MED22: variants seen among roughly 807,000 people sequenced by gnomAD.
MED22 encodes the protein mediator complex subunit 22.
Under a neutral mutation model 22.7 loss-of-function variants are expected in MED22, and 22 were observed. The observed-to-expected ratio is 0.97, with a 90% CI of 0.69 to 1.38. MED22 has a LOEUF of 1.38. MED22 is among the 40% of genes most tolerant of loss of function. The pLI is 0.00. For synonymous variants in MED22, 134 were observed against 119.4 expected, an observed-to-expected ratio of 1.12 and a Z score of -0.80; for missense variants, 247 against 263.0, an observed-to-expected ratio of 0.94 and a Z score of 0.42.
rs1245607961 is a variant in MED22 at position 133,340,777 on chromosome 9, T to C, written c.*728A>G. The C allele has an allele frequency of 6.6e-6, 1 of 152,250 alleles. No homozygotes were observed. Among genetic ancestry groups the C allele is most frequent in the African/African-American group, 2.4e-5 (1 of 41,432 alleles). 9.4% of individuals were successfully genotyped at this position (152,250 alleles called of 1,614,324 possible). A position where few individuals can be genotyped will look rare whatever the true frequency, so the allele number is the denominator to read the frequency against. ...CACTGAATACTGGGGACCTACCAGG[T>C]GCCAATGAGGAGAGAGTGACCTTGG... is the stretch of plus-strand genomic sequence containing the variant. On this transcript the variant is annotated 3_prime_UTR_variant, in exon 5 of 5. Transcript: ENST00000343730.
At position 133,339,550 on chromosome 9, in the gene MED22, A is replaced by C; in HGVS notation, c.*1955T>G. 1.9e-6 allele frequency: 1 copy of C among 514,090 alleles called. No individual in the cohort carries two copies. Among genetic ancestry groups the C allele is most frequent in the Non-Finnish European group, 3.5e-6 (1 of 285,350 alleles). 31.8% of individuals were successfully genotyped at this position (514,090 alleles called of 1,614,324 possible). A position where few individuals can be genotyped will look rare whatever the true frequency, so the allele number is the denominator to read the frequency against. Reference sequence around the variant, plus strand: ...AACTATTTGGGGAACAACTGAAGAAATCTGAATACAGCTAGATACCAGAGG... The same window carrying C: ...AACTATTTGGGGAACAACTGAAGAACTCTGAATACAGCTAGATACCAGAGG... On this transcript the variant is annotated 3_prime_UTR_variant, in exon 5 of 5. Transcript: ENST00000343730.
At chr9:133,345,062 C>CG (rs1196225227) in intron 3 of MED22, 110 bp downstream of exon 3, 1 of 1,047,608 alleles carries the variant, frequency 9.5e-7, no homozygotes, top group Middle Eastern at 2.9e-4. Context: ...TGCTCCTTCT[C>CG]GGGGGAAGAA....
rs2129950739 is a variant in MED22, at chr9:133,341,742, G to C, written c.414-48C>G. 3.8e-6 allele frequency: 6 copies of C among 1,584,026 alleles called. No individual in the cohort carries two copies. The Admixed American group carries it at 1.1e-4, about 30-fold the overall frequency. ...AGGGAGAGACAGGAGCAGGCAGAGA[G>C]GAAAGCCAGGGGAGGGGAGAGCAAG... On this transcript the variant is annotated intron_variant, in intron 4 of 4. Transcript: ENST00000343730.
At position 133,343,884 on chromosome 9, in the gene MED22, C is replaced by A. The variant is rs2129958422; in HGVS notation, c.413+241G>T. The stretch of plus-strand genomic sequence containing the variant: ...CCTTCTCCAGACTCGGCCTATCCGA[C>A]TGGCGTGAGTCCTGTGGTTTTCATC... On this transcript the variant is annotated intron_variant, in intron 4 of 4. Transcript: ENST00000343730. 2.1e-5 allele frequency: 30 copies of A among 1,419,920 alleles called. No individual in the cohort carries two copies. In the Admixed American group the frequency reaches 2.9e-4, roughly 14 times the overall value. 88.0% of individuals were successfully genotyped at this position (1,419,920 alleles called of 1,614,324 possible).
At chr9:133,346,399 T>C in intron 2 of MED22, 141 bp downstream of exon 2, 1 of 1,034,274 alleles carries the variant, frequency 9.7e-7, no homozygotes, top group Non-Finnish European at 1.4e-6. Flanking sequence ...TTATTTGGTT[T>C]GCTTATCTAC....
At chr9:133,342,335 C>A in intron 4 of MED22, 1 of 986,114 alleles carries the variant, frequency 1.0e-6, no homozygotes, top group South Asian at 4.7e-5. Flanking sequence ...ACAATCCACG[C>A]TCGCCTCTTT....
At chr9:133,342,142 C>A in intron 4 of MED22, 1 of 1,005,758 alleles carries the variant, frequency 9.9e-7, no homozygotes, top group Non-Finnish European at 1.2e-6. Flanking sequence ...CTGGGTCTGT[C>A]CCTGCCTGAG....
At chr9:133,341,810 C>T in intron 4 of MED22, 116 bp from the exon 5 acceptor site, 3 of 1,462,704 alleles carry the variant, frequency 2.1e-6, no homozygotes, top group East Asian at 5.7e-5. Flanking sequence ...CCCAGACCTG[C>T]CTTTCCCTTT....
At chr9:133,342,792 T>G in intron 4 of MED22, 1 of 985,648 alleles carries the variant, frequency 1.0e-6, no homozygotes, top group Non-Finnish European at 1.2e-6. Flanking sequence ...GGGGAGGGCA[T>G]GGGAAGCCTG....
At chr9:133,342,016 G>A in intron 4 of MED22, 1 of 1,139,178 alleles carries the variant, frequency 8.8e-7, no homozygotes, top group Non-Finnish European at 1.1e-6. Context: ...AGCTGGTGCT[G>A]GTCCCCCTCC....
At position 133,345,142 on chromosome 9, in the gene MED22, C is replaced by T. The variant is rs2129963795; in HGVS notation, c.204+30G>A. ...TGAGGGGACTGATGCTCTTGGAGCC[C>T]AGGCCGTGCCCTCCACCCTGGCCAC... On this transcript the variant is annotated intron_variant, in intron 3 of 4. Coordinates refer to ENST00000343730, the MANE Select transcript of MED22 (RefSeq NM_133640.5). The T allele has an allele frequency of 6.2e-6, 10 of 1,610,676 alleles. No individual in the cohort carries two copies. In the Middle Eastern group the frequency reaches 5.0e-4, roughly 81 times the overall value.
chr9:133,346,092 C>T (rs1296101476), intron 2 of MED22, among the ~76,000 whole-genome samples: 1 of 152,208 alleles, frequency 6.6e-6, no homozygotes, highest in Non-Finnish European at 1.5e-5. Flanking sequence ...TGGAGCCTGC[C>T]AGGTCTGCAG....
intron 4 of MED22, chr9:133,343,759 T>G: frequency 7.5e-7 from 1 of 1,325,960 alleles, no homozygotes; most frequent in East Asian, 2.7e-5. Flanking sequence ...TCTCTACATA[T>G]GGATTCAGAA....
rs2129945388 is a variant in MED22 at position 133,340,559 on chromosome 9, A to G, written c.*946T>C. On this transcript the variant is annotated 3_prime_UTR_variant, in exon 5 of 5. Transcript: ENST00000343730. ...CAAAAGACACTGGGTCTAGACTTCC[A>G]TCAGGTTCAAGTTCTGATTCCTGCC... is the stretch of plus-strand genomic sequence containing the variant. The G allele has an allele frequency of 4.6e-5, 7 of 152,244 alleles. No homozygotes were observed. Among genetic ancestry groups the G allele is most frequent in the Admixed American group, 4.6e-4 (7 of 15,270 alleles). The allele number at this position is 152,244 out of a possible 1,614,324, so 9.4% of individuals were successfully genotyped here.
At position 133,338,788 on chromosome 9, in the gene MED22, G is replaced by C. The variant is rs1315913946; in HGVS notation, c.*2717C>G. 8.2e-6 allele frequency: 3 copies of C among 364,210 alleles called. No homozygotes were observed. Among genetic ancestry groups the C allele is most frequent in the Non-Finnish European group, 1.6e-5 (3 of 188,034 alleles). The allele number at this position is 364,210 out of a possible 1,614,324, so 22.6% of individuals were successfully genotyped here. A position where few individuals can be genotyped will look rare whatever the true frequency, so the allele number is the denominator to read the frequency against. On this transcript the variant is annotated 3_prime_UTR_variant, in exon 5 of 5. Transcript: ENST00000343730. ...AGACGGGGTTTCTCCATGTTGCCCA[G>C]GCTGGTCTCAAAACTTCTGACCACA... is the stretch of plus-strand genomic sequence containing the variant.
Position 133,341,412 on chromosome 9 carries a change from A to G in MED22, c.*93T>C. ...GGCTCTGGGGTCCTGAAGTCCCCAA[A>G]TGGGAACCTAGGCTGAGAGAAGCAA... On this transcript the variant is annotated 3_prime_UTR_variant, in exon 5 of 5. Transcript: ENST00000343730. 7.4e-7 allele frequency: 1 copy of G among 1,349,572 alleles called. No individual in the cohort carries two copies. The highest frequency in any genetic ancestry group is 9.6e-7 in the Non-Finnish European group (1 of 1,039,156). 83.6% of individuals were successfully genotyped at this position (1,349,572 alleles called of 1,614,324 possible). A position where few individuals can be genotyped will look rare whatever the true frequency, so the allele number is the denominator to read the frequency against.
At chr9:133,342,245 A>G (rs1836027020) in intron 4 of MED22, 4 of 985,998 alleles carry the variant, frequency 4.1e-6, no homozygotes, top group Non-Finnish European at 4.8e-6. Flanking sequence ...AGGCGTCCCC[A>G]CCTCTAACAC....
chr9:133,343,420 G>C (rs1393288421), intron 4 of MED22: 14 of 1,225,440 alleles, frequency 1.1e-5, no homozygotes, highest in Middle Eastern at 6.2e-4. Flanking sequence ...GGCCCCTCCA[G>C]CTCAAACGGT....
chr9:133,341,797 C>T (rs1836013103), intron 4 of MED22, 103 bp from the exon 5 acceptor site: 1 of 1,494,350 alleles, frequency 6.7e-7, no homozygotes. Context: ...AACACGACCA[C>T]ACCCCAGACC....
Sources: allele counts gnomAD v4.1 joint callset (sites outside exome capture counted in the v4.1 genomes callset), GRCh38; gene constraint gnomAD v4.1.1; transcripts MANE v1.5; gene names NCBI Gene and HGNC (gene_info 2026-07-23, HGNC 2026-07-21).